SETD2: variants seen among roughly 807,000 people sequenced by gnomAD.
The protein encoded by SETD2 is SET domain containing 2, histone lysine methyltransferase, also known as histone-lysine N-methyltransferase SETD2.
A neutral mutation model predicts 242.1 loss-of-function variants in SETD2; 31 were observed. The observed-to-expected ratio is 0.13, with a 90% CI of 0.10 to 0.17. The LOEUF (loss-of-function observed/expected upper bound fraction) is 0.17, where lower values mean the gene tolerates loss of function less well. SETD2 is among the 10% of genes least tolerant of loss of function. The pLI, the probability that SETD2 is intolerant of heterozygous loss-of-function variation, is 1.00. For missense variants in SETD2, 2,481 were observed against 3,046.3 expected (o/e 0.81, Z 4.37); for synonymous variants, 1,006 against 1,066.5 (o/e 0.94, Z 1.11).
chr3:47,063,703 G>A (rs1418190162), intron 13 of SETD2, among the ~76,000 whole-genome samples: 2 of 152,002 alleles, frequency 1.3e-5, no homozygotes, highest in African/African-American at 4.8e-5. Context: ...AGTCAATCTC[G>A]GCCGGGCACT....
intron 13 of SETD2, among the ~76,000 whole-genome samples, chr3:47,063,551 T>G (rs557129897): frequency 1.3e-5 from 2 of 152,296 alleles, no homozygotes; most frequent in Non-Finnish European, 2.9e-5. Context: ...ATAACCTTCT[T>G]AATTTACAGT....
At position 47,017,406 on chromosome 3, in the gene SETD2, G is replaced by T; in HGVS notation, c.7534-152C>A. On this transcript the variant is annotated intron_variant, in intron 20 of 20. Transcript: ENST00000409792. This position sits in a 1 kb window ranked among gnomAD's most constrained non-coding sequence, Gnocchi z 4.8. ...AGGGGGTAGATGTTGGGGCAGGCTGGTGCTATGATCACCAGAAAGGACAAG... is the reference window on the plus strand; with the variant it reads ...AGGGGGTAGATGTTGGGGCAGGCTGTTGCTATGATCACCAGAAAGGACAAG... 1.2e-6 allele frequency: 1 copy of T among 851,482 alleles called. No individual in the cohort carries two copies. The highest frequency in any genetic ancestry group is 1.8e-6 in the Non-Finnish European group (1 of 557,342). 52.7% of individuals were successfully genotyped at this position (851,482 alleles called of 1,614,324 possible).
intron 18 of SETD2, 67 bp downstream of exon 18, chr3:47,037,599 G>T: frequency 8.5e-7 from 1 of 1,173,462 alleles, no homozygotes; most frequent in Non-Finnish European, 1.3e-6. Flanking sequence ...AGAATCCCAA[G>T]ACCATGCGGG....
At chr3:47,115,040 G>A (rs895143126) in intron 4 of SETD2, among the ~76,000 whole-genome samples, 3 of 152,094 alleles carry the variant, frequency 2.0e-5, no homozygotes, top group East Asian at 1.9e-4. Flanking sequence ...CAGGAGGGAA[G>A]AGAATTTAAG....
At chr3:47,065,551 C>A (rs142808336) in intron 13 of SETD2, among the ~76,000 whole-genome samples, 71 of 152,200 alleles carry the variant, frequency 4.7e-4, no homozygotes, top group Non-Finnish European at 8.2e-4. Flanking sequence ...GTGATCCCAG[C>A]ACTTTGGGAG....
chr3:47,109,780 G>A (rs545381181), intron 5 of SETD2, among the ~76,000 whole-genome samples: 2 of 152,264 alleles, frequency 1.3e-5, no homozygotes, highest in East Asian at 3.9e-4. Context: ...GTAGTCAGGA[G>A]TTCGAGACCA....
At chr3:47,141,443 A>T (rs1343909523) in intron 1 of SETD2, among the ~76,000 whole-genome samples, 1 of 152,192 alleles carries the variant, frequency 6.6e-6, no homozygotes, top group Non-Finnish European at 1.5e-5. Context: ...CTTTCATGCA[A>T]ATTAGCTCTG....
At chr3:47,036,523 C>T (rs1486331030) in intron 18 of SETD2, among the ~76,000 whole-genome samples, 1 of 151,802 alleles carries the variant, frequency 6.6e-6, no homozygotes, top group African/African-American at 2.4e-5. Context: ...CCAAAAAAAA[C>T]AAAAAACACA....
intron 12 of SETD2, among the ~76,000 whole-genome samples, chr3:47,082,090 T>A (rs946247589): frequency 6.6e-6 from 1 of 152,172 alleles, no homozygotes; most frequent in African/African-American, 2.4e-5. Flanking sequence ...TGAGTTTAAA[T>A]TACCATGGTT....
chr3:47,113,843 A>T, intron 5 of SETD2, 33 bp downstream of exon 5: 1 of 1,600,542 alleles, frequency 6.2e-7, no homozygotes, highest in Non-Finnish European at 8.5e-7. Context: ...TGTCTCAAAA[A>T]AGGAAGTGAA....
At chr3:47,155,406 A>G (rs2044104669) in intron 1 of SETD2, among the ~76,000 whole-genome samples, 1 of 152,264 alleles carries the variant, frequency 6.6e-6, no homozygotes, top group Non-Finnish European at 1.5e-5. Flanking sequence ...TAGAAAGGTA[A>G]TACAAACGTG....
chr3:47,148,058 C>A (rs2043901102), intron 1 of SETD2, among the ~76,000 whole-genome samples: 1 of 151,606 alleles, frequency 6.6e-6, no homozygotes, highest in African/African-American at 2.4e-5. Flanking sequence ...TTTTAGTAAA[C>A]CTAGGCTTCA....
At chr3:47,105,894 C>T (rs748244654) in intron 6 of SETD2, 103 bp downstream of exon 6, 1 of 1,302,682 alleles carries the variant, frequency 7.7e-7, no homozygotes, top group Non-Finnish European at 1.0e-6. Context: ...TAGAGCGAGA[C>T]TCCGTCTCCA....
At chr3:47,150,932 A>AAAAG (rs1313706948) in intron 1 of SETD2, among the ~76,000 whole-genome samples, 1 of 151,758 alleles carries the variant, frequency 6.6e-6, no homozygotes, top group African/African-American at 2.4e-5. Context: ...AAAAAAAAAA[A>AAAAG]AAAGAAAGAA....
At chr3:47,039,961 G>A (rs1444638525) in intron 17 of SETD2, among the ~76,000 whole-genome samples, 4 of 150,948 alleles carry the variant, frequency 2.6e-5, no homozygotes, top group African/African-American at 9.7e-5. Context: ...GCAACATAAT[G>A]AGGACTCATT....
At chr3:47,109,204 G>A (rs911862139) in intron 5 of SETD2, among the ~76,000 whole-genome samples, 6 of 152,086 alleles carry the variant, frequency 3.9e-5, no homozygotes, top group Non-Finnish European at 2.9e-5. Flanking sequence ...ATCAAAAAAA[G>A]ACTGATAGAT....
chr3:47,143,961 C>T (rs1210914238), intron 1 of SETD2, among the ~76,000 whole-genome samples: 6 of 152,138 alleles, frequency 3.9e-5, no homozygotes, highest in East Asian at 3.9e-4. Flanking sequence ...CTGCCCGCCT[C>T]GGCCTCCCAA....
At chr3:47,048,168 T>C (rs901577925) in intron 15 of SETD2, among the ~76,000 whole-genome samples, 8 of 152,126 alleles carry the variant, frequency 5.3e-5, no homozygotes, top group African/African-American at 1.9e-4. Context: ...AGTGGGCGGA[T>C]CACGAGGTCA....
chr3:47,021,720 T>C (rs2038226736), intron 18 of SETD2, among the ~76,000 whole-genome samples: 1 of 152,168 alleles, frequency 6.6e-6, no homozygotes, highest in Non-Finnish European at 1.5e-5. Context: ...GCATGGGAAA[T>C]AATTTCAGAA....
Sources: allele counts gnomAD v4.1 joint callset (sites outside exome capture counted in the v4.1 genomes callset), GRCh38; gene constraint gnomAD v4.1.1; non-coding constraint Gnocchi (gnomAD v3.1); transcripts MANE v1.5; gene names NCBI Gene and HGNC (gene_info 2026-07-23, HGNC 2026-07-21).